Variants in LHFPL5 observed in about 807,000 individuals in gnomAD.
The protein encoded by LHFPL5 is LHFPL tetraspan subfamily member 5 protein.
Under a neutral mutation model 18.7 loss-of-function variants are expected in LHFPL5, and 12 were observed. The observed-to-expected ratio is 0.64, with a 90% confidence interval of 0.41 to 1.04. LHFPL5 has a LOEUF of 1.04. LHFPL5 is among the 50% of genes least tolerant of loss of function. The probability of loss-of-function intolerance (pLI) is 0.00; values close to 1 mark genes in which losing one functional copy is unlikely to be tolerated. For missense variants in LHFPL5, 259 were observed against 292.1 expected, an observed-to-expected ratio of 0.89 and a Z score of 0.83; for synonymous variants, 111 against 120.2, an observed-to-expected ratio of 0.92 and a Z score of 0.50.
intron 1 of LHFPL5, among the ~76,000 whole-genome samples, chr6:35,810,841 A>G (rs1000528813): frequency 1.8e-4 from 27 of 151,672 alleles, no homozygotes; most frequent in Admixed American, 2.6e-4. Context: ...AAAAAAAAAA[A>G]AAAGAAAGAA....
At chr6:35,818,337 ATATATATATATG>A (rs1323333550) in intron 2 of LHFPL5, among the ~76,000 whole-genome samples, 2,924 of 11,954 alleles carry the variant, frequency 0.24, 185 homozygotes, top group East Asian at 0.3. Flanking sequence ...ATATATATAT[ATATATATATATG>A]TATTTTTTTT....
chr6:35,820,428 C>G (rs1390827509), intron 3 of LHFPL5, among the ~76,000 whole-genome samples: 1 of 152,174 alleles, frequency 6.6e-6, no homozygotes, highest in African/African-American at 2.4e-5. Context: ...GGACCGGGCG[C>G]GGTGACTCAC....
At position 35,814,538 on chromosome 6, in the gene LHFPL5, C is replaced by T. The variant is rs1768724587; in HGVS notation, c.413-8C>T. ...CTGATGCCATGTGCACCCCTCCTTCCCCCTCAGCCACAGGCCTAATGATTG... is the reference window on the plus strand; with the variant it reads ...CTGATGCCATGTGCACCCCTCCTTCTCCCTCAGCCACAGGCCTAATGATTG... On this transcript the variant is annotated splice_polypyrimidine_tract_variant and splice_region_variant and intron_variant, in intron 1 of 3. Coordinates refer to ENST00000360215, the MANE Select transcript of LHFPL5 (RefSeq NM_182548.4). The surrounding 1 kb of genome is among the most constrained non-coding windows in gnomAD (Gnocchi z 4.2). 6.2e-7 allele frequency: 1 copy of T among 1,607,118 alleles called. No homozygotes were observed. Among genetic ancestry groups the T allele is most frequent in the Non-Finnish European group, 8.5e-7 (1 of 1,173,642 alleles).
chr6:35,815,035 G>C (rs575704772), intron 2 of LHFPL5, among the ~76,000 whole-genome samples: 1 of 152,294 alleles, frequency 6.6e-6, no homozygotes, highest in South Asian at 2.1e-4. Context: ...ATAGGGGAGA[G>C]AGCTGCAATC....
intron 1 of LHFPL5, among the ~76,000 whole-genome samples, chr6:35,808,079 G>A (rs1581968553): frequency 6.6e-6 from 1 of 152,098 alleles, no homozygotes; most frequent in East Asian, 1.9e-4. Flanking sequence ...CCTGTTCTCT[G>A]TAGTCTCTCT....
Position 35,814,622 on chromosome 6 carries a change from G to T in LHFPL5, c.489G>T (p.Glu163Asp). ...GTGAGGTGCGGCGCATGTGTGGGGA[G>T]CAGACGGGCAAGTACACGCTGGGCC... The part of the protein sequence containing the change: ...DSSEVRRMCG[E>D]QTGKYTLGHC... Residue 163 changes from glutamate (E) to aspartate (D), a missense_variant, in exon 2 of 4, where the codon GAG becomes GAT. Transcript: ENST00000360215. The surrounding 1 kb of genome is among the most constrained non-coding windows in gnomAD (Gnocchi z 4.2). The T allele has an allele frequency of 6.2e-7, 1 of 1,614,198 alleles. No homozygotes were observed. Among genetic ancestry groups the T allele is most frequent in the Non-Finnish European group, 8.5e-7 (1 of 1,180,030 alleles).
intron 1 of LHFPL5, among the ~76,000 whole-genome samples, chr6:35,812,412 G>T (rs1262874649): frequency 2.0e-5 from 3 of 152,162 alleles, no homozygotes; most frequent in Non-Finnish European, 4.4e-5. Context: ...CCCTGCCCGT[G>T]GGGCAGCTGT....
At chr6:35,808,585 ATATATAT>A in intron 1 of LHFPL5, among the ~76,000 whole-genome samples, 1 of 133,908 alleles carries the variant, frequency 7.5e-6, no homozygotes, top group South Asian at 2.4e-4. Context: ...ATATATATAT[ATATATAT>A]ATATATATAT....
rs1443047642 is a variant in LHFPL5 at position 35,805,369 on chromosome 6, G to C, written c.-302G>C. 12 of 374,528 alleles carry C rather than the reference G, an allele frequency of 3.2e-5. No homozygotes were observed. In the East Asian group the frequency reaches 5.3e-4, roughly 17 times the overall value. 23.2% of individuals were successfully genotyped at this position (374,528 alleles called of 1,614,324 possible). A position where few individuals can be genotyped will look rare whatever the true frequency, so the allele number is the denominator to read the frequency against. On this transcript the variant is annotated 5_prime_UTR_variant, in exon 1 of 4. Transcript: ENST00000360215. This position sits in a 1 kb window ranked among gnomAD's most constrained non-coding sequence, Gnocchi z 4.3. ...GCGGGGCTCTCGGGAGCCGTGAGCC[G>C]GGAAGAGGGAGACGGGCAGGGCGGC...
chr6:35,822,949 A>C (rs937155640), intron 3 of LHFPL5, 33 bp from the exon 4 acceptor site: 1 of 152,120 alleles, frequency 6.6e-6, no homozygotes, highest in African/African-American at 2.4e-5. Context: ...AACTCTTGGA[A>C]TCTTTTGTTC....
At chr6:35,810,117 G>A (rs1197840602) in intron 1 of LHFPL5, among the ~76,000 whole-genome samples, 2 of 152,142 alleles carry the variant, frequency 1.3e-5, no homozygotes, top group South Asian at 2.1e-4. Flanking sequence ...CTATACTTTT[G>A]TATCCATTAA....
At chr6:35,813,363 G>A (rs1269101540) in intron 1 of LHFPL5, among the ~76,000 whole-genome samples, 2 of 147,158 alleles carry the variant, frequency 1.4e-5, no homozygotes, top group Non-Finnish European at 3.0e-5. Flanking sequence ...TCCTGCCTCA[G>A]CCTCCCGAGT....
Position 35,810,606 on chromosome 6 carries a change from T to C in LHFPL5, c.413-3940T>C, listed in dbSNP as rs112133016. On this transcript the variant is annotated intron_variant, in intron 1 of 3. Transcript: ENST00000360215. ...ATAATCCAGGATGCAACTGGGAAAG[T>C]CCCAGGCACAGCTGCCCTGTGGGCA... Among the ~76,000 whole-genome samples the C allele has an allele frequency of 9.9e-3, 1,506 of 151,694 alleles. 13 individuals carry two copies. Among genetic ancestry groups the C allele is most frequent in the African/African-American group, 0.03 (1,247 of 41,364 alleles).
At chr6:35,810,605 G>T (rs1222255007) in intron 1 of LHFPL5, among the ~76,000 whole-genome samples, 1 of 152,034 alleles carries the variant, frequency 6.6e-6, no homozygotes, top group African/African-American at 2.4e-5. Flanking sequence ...AACTGGGAAA[G>T]TCCCAGGCAC....
rs532288838 is a variant in LHFPL5 at position 35,817,942 on chromosome 6, A to G, written c.650-1495A>G. On this transcript the variant is annotated intron_variant, in intron 2 of 3. Transcript: ENST00000360215. ...GCATAATAGCCAAAAAATGGAATAC[A>G]ATTCAGTGGTTTTTAGTATATTCCA... Among the ~76,000 whole-genome samples, 220 of 152,390 alleles carry G rather than the reference A, an allele frequency of 1.4e-3. 2 individuals carry two copies. The highest frequency in any genetic ancestry group is 4.9e-3 in the African/African-American group (204 of 41,598).
At chr6:35,821,223 G>A (rs1413435714) in intron 3 of LHFPL5, among the ~76,000 whole-genome samples, 1 of 151,106 alleles carries the variant, frequency 6.6e-6, no homozygotes, top group East Asian at 2.0e-4. Context: ...AGAATCGCTT[G>A]AACCCAGGAG....
intron 1 of LHFPL5, among the ~76,000 whole-genome samples, chr6:35,813,533 G>T (rs951986616): frequency 6.6e-6 from 1 of 151,306 alleles, no homozygotes; most frequent in Non-Finnish European, 1.5e-5. Flanking sequence ...GTGAGCCACC[G>T]CACCCGGCCT....
chr6:35,819,409 A>G (rs1279968855), intron 2 of LHFPL5, 28 bp from the exon 3 acceptor site: 7 of 1,612,454 alleles, frequency 4.3e-6, no homozygotes, highest in Non-Finnish European at 5.9e-6. Flanking sequence ...CTTGGTAGTA[A>G]CGTATACTGT....
intron 1 of LHFPL5, among the ~76,000 whole-genome samples, chr6:35,813,305 G>A (rs911645905): frequency 2.7e-5 from 4 of 146,938 alleles, no homozygotes; most frequent in Admixed American, 6.9e-5. Flanking sequence ...GAGTGCAGGG[G>A]CGCCATCTCG....
Sources: allele counts gnomAD v4.1 joint callset (sites outside exome capture counted in the v4.1 genomes callset), GRCh38; gene constraint gnomAD v4.1.1; non-coding constraint Gnocchi (gnomAD v3.1); transcripts MANE v1.5; gene names NCBI Gene and HGNC (gene_info 2026-07-23, HGNC 2026-07-21).